ACER1: variants seen among roughly 807,000 people sequenced by gnomAD.
ACER1 encodes the protein CTB-180A7.3.
A neutral mutation model predicts 24.9 loss-of-function variants in ACER1; 28 were observed. That is an observed-to-expected ratio of 1.13 (90% confidence interval 0.83 to 1.54). The LOEUF (loss-of-function observed/expected upper bound fraction) is 1.54, where lower values mean the gene tolerates loss of function less well. Among genes scored for constraint, ACER1 ranks in the 40% most tolerant of loss-of-function variants. The pLI, the probability that ACER1 is intolerant of heterozygous loss-of-function variation, is 0.00. For synonymous variants in ACER1, 132 were observed against 131.4 expected (o/e 1.00, Z -0.03); for missense variants, 352 against 349.3 (o/e 1.01, Z -0.06).
upstream of ACER1, among the ~76,000 whole-genome samples, chr19:6,337,393 G>C (rs201269144): frequency 1.3e-4 from 20 of 151,758 alleles, 1 homozygote; most frequent in East Asian, 3.9e-3. Context: ...TTTTTGATAA[G>C]CTTGTATTCA....
intron 4 of ACER1, among the ~76,000 whole-genome samples, chr19:6,307,634 AG>A (rs1203459941): frequency 7.6e-4 from 115 of 150,958 alleles, no homozygotes; most frequent in African/African-American, 2.6e-3. Flanking sequence ...AAAAAAAAAA[AG>A]TTAAAATTAG....
chr19:6,355,857 G>A, the ACER1 span, among the ~76,000 whole-genome samples: 4 of 147,472 alleles, frequency 2.7e-5, no homozygotes, highest in Admixed American at 2.0e-4. Flanking sequence ...GGGGGGGTCA[G>A]CCCCCCGCCC....
the ACER1 span, among the ~76,000 whole-genome samples, chr19:6,347,109 A>AAAAAAAATATAT: frequency 4.0e-4 from 46 of 113,770 alleles, no homozygotes; most frequent in Middle Eastern, 4.0e-3. Context: ...AAAAAAAAAA[A>AAAAAAAATATAT]ATATATATAT....
At chr19:6,306,911 G>A (rs760212850) in intron 5 of ACER1, 29 bp from the exon 6 acceptor site, 141 of 1,595,642 alleles carry the variant, frequency 8.8e-5, no homozygotes, top group Non-Finnish European at 1.1e-4. Flanking sequence ...AGGTGGCGAG[G>A]GCACAAGATA....
At chr19:6,347,109 A>AAAATATATATAT in the ACER1 span, among the ~76,000 whole-genome samples, 390 of 113,704 alleles carry the variant, frequency 3.4e-3, 10 homozygotes, top group African/African-American at 0.018. Flanking sequence ...AAAAAAAAAA[A>AAAATATATATAT]ATATATATAT....
chr19:6,354,782 G>C, the ACER1 span, among the ~76,000 whole-genome samples: 1 of 148,494 alleles, frequency 6.7e-6, no homozygotes, highest in Admixed American at 6.8e-5. Flanking sequence ...AACAGGAGAA[G>C]TGTCACTCCC....
chr19:6,329,251 G>A (rs2091676046), intron 1 of ACER1, among the ~76,000 whole-genome samples: 2 of 151,984 alleles, frequency 1.3e-5, no homozygotes, highest in Non-Finnish European at 2.9e-5. Context: ...ATGGGTTTGG[G>A]ATACTCAGAA....
At chr19:6,359,523 G>A in the ACER1 span, among the ~76,000 whole-genome samples, 1 of 151,946 alleles carries the variant, frequency 6.6e-6, no homozygotes, top group African/African-American at 2.4e-5. Context: ...TCACTGTGTT[G>A]GTCAGGCTGG....
At chr19:6,350,046 G>A in the ACER1 span, among the ~76,000 whole-genome samples, 9,090 of 152,106 alleles carry the variant, frequency 0.06, 395 homozygotes, top group African/African-American at 0.12. Context: ...CAGGAGGATC[G>A]CTTGAGTCCA....
chr19:6,349,871 C>G, the ACER1 span, among the ~76,000 whole-genome samples: 2 of 152,152 alleles, frequency 1.3e-5, no homozygotes, highest in African/African-American at 2.4e-5. Context: ...TGGTTGGCGC[C>G]TGTAATCCCA....
chr19:6,329,041 T>C (rs1211536972), intron 1 of ACER1, among the ~76,000 whole-genome samples: 1 of 151,796 alleles, frequency 6.6e-6, no homozygotes, highest in Non-Finnish European at 1.5e-5. Flanking sequence ...CCAGCTACTT[T>C]GAAGGCTGGG....
At chr19:6,344,397 G>A in the ACER1 span, among the ~76,000 whole-genome samples, 2 of 151,792 alleles carry the variant, frequency 1.3e-5, no homozygotes, top group African/African-American at 4.8e-5. Context: ...AGCCAAGATT[G>A]TGCCATTGCA....
the ACER1 span, among the ~76,000 whole-genome samples, chr19:6,345,532 G>A: frequency 6.6e-6 from 1 of 151,484 alleles, no homozygotes; most frequent in South Asian, 2.1e-4. Flanking sequence ...TGGGGGTGAT[G>A]GGAGACAGTG....
Position 6,307,232 on chromosome 19 carries a change from C to T in ACER1, c.547G>A (p.Ala183Thr), listed in dbSNP as rs747588366. Reference sequence around the variant, plus strand: ...CGGTCACTGATCCAGCTGGTCAGAGCAACAGCCCATAAAACCACGGAGACC... The same window carrying T: ...CGGTCACTGATCCAGCTGGTCAGAGTAACAGCCCATAAAACCACGGAGACC... ...IEVSVVLWAV[A>T]LTSWISDRLL... is the part of the protein sequence containing the mutation. Residue 183 changes from alanine to threonine, a missense_variant, in exon 5 of 6, where the codon GCT (alanine) becomes ACT (threonine). By Grantham distance (58) the Ala-to-Thr change is moderately conservative (BLOSUM62 0). Transcript: ENST00000301452. 20 of 1,614,144 alleles carry T rather than the reference C, an allele frequency of 1.2e-5. No homozygotes were observed. The highest frequency in any genetic ancestry group is 1.5e-5 in the Non-Finnish European group (18 of 1,180,040).
At position 6,332,151 on chromosome 19, in the gene ACER1, G is replaced by C. The variant is rs576199302; in HGVS notation, c.93+1308C>G. On this transcript the variant is annotated intron_variant, in intron 1 of 5. Transcript: ENST00000301452. ...CTGGCTAATTTTTGTATTTTTAGTA[G>C]AGATGGGGTTTCACCATGTTGGCCA... Among the ~76,000 whole-genome samples, 72 of 151,694 alleles carry C rather than the reference G, an allele frequency of 4.7e-4. No homozygotes were observed. In the East Asian group the frequency reaches 0.013, roughly 27 times the overall value.
At chr19:6,309,999 T>C (rs958988513) in intron 3 of ACER1, among the ~76,000 whole-genome samples, 165 bp from the exon 4 acceptor site, 1 of 151,728 alleles carries the variant, frequency 6.6e-6, no homozygotes, top group African/African-American at 2.4e-5. Flanking sequence ...CGGTGGCTCA[T>C]GTCTGTAATC....
the ACER1 span, among the ~76,000 whole-genome samples, chr19:6,354,787 ACTCCCT>A: frequency 0.03 from 4,540 of 149,958 alleles, 210 homozygotes; most frequent in Admixed American, 0.12. Flanking sequence ...GAGAAGTGTC[ACTCCCT>A]CTCCCTCTCC....
chr19:6,318,956 C>G (rs4608434), intron 1 of ACER1, among the ~76,000 whole-genome samples: 2,352 of 151,534 alleles, frequency 0.016, 57 homozygotes, highest in African/African-American at 0.054. Context: ...CTCTTGGTTT[C>G]TCTTCGCTTG....
At chr19:6,346,487 C>T in the ACER1 span, among the ~76,000 whole-genome samples, 2 of 150,422 alleles carry the variant, frequency 1.3e-5, no homozygotes, top group African/African-American at 4.9e-5. Flanking sequence ...CCTCCTTCTT[C>T]TTCTCCTTCT....
Sources: allele counts gnomAD v4.1 joint callset (sites outside exome capture counted in the v4.1 genomes callset), GRCh38; gene constraint gnomAD v4.1.1; transcripts MANE v1.5; gene names NCBI Gene and HGNC (gene_info 2026-07-23, HGNC 2026-07-21).